Variants in WDR47 observed in about 807,000 individuals in gnomAD.
WDR47 encodes the protein WD repeat domain 47, also known as WD repeat-containing protein 47.
Under a neutral mutation model 97.2 loss-of-function variants are expected in WDR47, and 32 were observed. That is an observed-to-expected ratio of 0.33 (90% CI 0.25 to 0.44). The LOEUF (loss-of-function observed/expected upper bound fraction) is 0.44. Ranked by LOEUF, WDR47 falls within the 20% of genes least tolerant of loss-of-function variation. The pLI, the probability that WDR47 is intolerant of heterozygous loss-of-function variation, is 1.00. For synonymous variants in WDR47, 375 were observed against 373.5 expected (o/e 1.00, Z -0.05); for missense variants, 782 against 1,102.3 (o/e 0.71, Z 4.11).
intron 8 of WDR47, among the ~76,000 whole-genome samples, chr1:108,994,445 G>A (rs1359152593): frequency 6.6e-6 from 1 of 151,968 alleles, no homozygotes; most frequent in Non-Finnish European, 1.5e-5. Flanking sequence ...TCAGAAATGT[G>A]GAAATATATA....
At chr1:108,971,730 C>G (rs1193378044) in intron 14 of WDR47, among the ~76,000 whole-genome samples, 158 bp from the exon 15 acceptor site, 2 of 152,088 alleles carry the variant, frequency 1.3e-5, no homozygotes, top group Non-Finnish European at 2.9e-5. Context: ...TACTACCTAC[C>G]TAATTATGCT....
chr1:109,004,822 GTCTC>G, intron 5 of WDR47, 107 bp from the exon 6 acceptor site: 3 of 1,307,740 alleles, frequency 2.3e-6, no homozygotes, highest in Non-Finnish European at 3.0e-6. Flanking sequence ...TTGAGATGGA[GTCTC>G]TCTCTGTAGC....
chr1:108,977,955 G>T (rs959747558), intron 13 of WDR47, among the ~76,000 whole-genome samples: 8 of 148,906 alleles, frequency 5.4e-5, no homozygotes, highest in African/African-American at 2.0e-4. Context: ...CTGCACTCCA[G>T]TCTGGGTGAC....
intron 1 of WDR47, among the ~76,000 whole-genome samples, chr1:109,032,070 G>A (rs1165055232): frequency 2.2e-5 from 3 of 138,550 alleles, no homozygotes; most frequent in African/African-American, 7.8e-5. Context: ...AAAGTGCTGA[G>A]AACGCAGGCA....
chr1:109,033,402 AAT>A (rs1662732507), intron 1 of WDR47, among the ~76,000 whole-genome samples: 2 of 152,216 alleles, frequency 1.3e-5, no homozygotes. Flanking sequence ...ATGAGCAAAA[AAT>A]ATAGACAATT....
chr1:109,009,857 G>A (rs983550088), intron 5 of WDR47, among the ~76,000 whole-genome samples: 1 of 152,024 alleles, frequency 6.6e-6, no homozygotes, highest in Admixed American at 6.6e-5. Context: ...AATTAGTTGG[G>A]CGTGGTGGCG....
intron 7 of WDR47, among the ~76,000 whole-genome samples, chr1:108,997,121 A>C (rs1056255951): frequency 6.6e-6 from 1 of 151,854 alleles, no homozygotes; most frequent in African/African-American, 2.4e-5. Context: ...ATCTCCAAAA[A>C]AAAAAAAAGA....
intron 1 of WDR47, among the ~76,000 whole-genome samples, chr1:109,036,527 T>C (rs1571267489): frequency 2.0e-5 from 2 of 101,934 alleles, no homozygotes; most frequent in African/African-American, 3.7e-5. Flanking sequence ...TGAGCAAGAC[T>C]CCGTCTCAAA....
chr1:109,014,494 G>C (rs570507721), intron 3 of WDR47, among the ~76,000 whole-genome samples: 197 of 151,850 alleles, frequency 1.3e-3, no homozygotes, highest in Non-Finnish European at 2.2e-3. Flanking sequence ...GAGTACAGTG[G>C]CATGATCACA....
At chr1:109,038,804 C>T (rs1358689231) in intron 1 of WDR47, among the ~76,000 whole-genome samples, 1 of 152,126 alleles carries the variant, frequency 6.6e-6, no homozygotes, top group Non-Finnish European at 1.5e-5. Flanking sequence ...TGGTGAAACC[C>T]TGTCTCTACT....
chr1:109,029,408 C>G (rs1017828413), intron 1 of WDR47, among the ~76,000 whole-genome samples: 5 of 151,936 alleles, frequency 3.3e-5, no homozygotes, highest in Non-Finnish European at 1.5e-5. Context: ...GCCTATAATC[C>G]CAGCACTTTG....
At chr1:109,007,998 A>T (rs1220567320) in intron 5 of WDR47, among the ~76,000 whole-genome samples, 1 of 151,978 alleles carries the variant, frequency 6.6e-6, no homozygotes, top group African/African-American at 2.4e-5. Context: ...GCTACTTGAG[A>T]GGCTGAGGCA....
chr1:108,989,265 A>G (rs556565322), intron 9 of WDR47, among the ~76,000 whole-genome samples: 1 of 152,342 alleles, frequency 6.6e-6, no homozygotes, highest in East Asian at 1.9e-4. Context: ...TTTGAGAAGT[A>G]TGAATGTCAA....
intron 2 of WDR47, among the ~76,000 whole-genome samples, chr1:109,020,541 C>T (rs1402740081): frequency 1.3e-5 from 2 of 152,062 alleles, no homozygotes; most frequent in African/African-American, 4.8e-5. Context: ...GGATTACAGG[C>T]GTGAGCCACT....
intron 8 of WDR47, 58 bp downstream of exon 8, chr1:108,995,522 C>G: frequency 6.3e-7 from 1 of 1,580,658 alleles, no homozygotes; most frequent in Non-Finnish European, 8.6e-7. Flanking sequence ...ACAAGTTCAA[C>G]CTTCTAACCA....
intron 1 of WDR47, among the ~76,000 whole-genome samples, chr1:109,040,868 A>C (rs1481269394): frequency 6.6e-6 from 1 of 152,178 alleles, no homozygotes. Context: ...TTAAACCTAC[A>C]TGTTCATTTC....
At chr1:109,032,837 C>T (rs936822071) in intron 1 of WDR47, among the ~76,000 whole-genome samples, 3 of 151,752 alleles carry the variant, frequency 2.0e-5, no homozygotes, top group Non-Finnish European at 4.4e-5. Context: ...GTGGAGGTTG[C>T]AGTGAGCTGA....
At chr1:109,015,459 G>T (rs144936169) in intron 3 of WDR47, among the ~76,000 whole-genome samples, 20 of 151,946 alleles carry the variant, frequency 1.3e-4, no homozygotes, top group African/African-American at 4.8e-4. Context: ...AAGTAGCTGG[G>T]ATTACAGGCA....
At chr1:108,992,260 C>G in intron 8 of WDR47, 1 of 910,200 alleles carries the variant, frequency 1.1e-6, no homozygotes, top group Non-Finnish European at 1.9e-6. Context: ...AAATCCGAAG[C>G]AGCCTGAGGT....
Sources: allele counts gnomAD v4.1 joint callset (sites outside exome capture counted in the v4.1 genomes callset), GRCh38; gene constraint gnomAD v4.1.1; transcripts MANE v1.5; gene names NCBI Gene and HGNC (gene_info 2026-07-23, HGNC 2026-07-21).